USP15: variants seen among roughly 807,000 people sequenced by gnomAD.
The protein encoded by USP15 is ubiquitin carboxyl-terminal hydrolase 15.
Under a neutral mutation model 127.1 loss-of-function variants are expected in USP15, and 18 were observed. The observed-to-expected ratio is 0.14, with a 90% CI of 0.10 to 0.21. The LOEUF is 0.21. USP15 is among the 10% of genes least tolerant of loss of function. The probability of loss-of-function intolerance (pLI) is 1.00; values close to 1 mark genes in which losing one functional copy is unlikely to be tolerated. For missense variants in USP15, 805 were observed against 1,159.9 expected (o/e 0.69, Z 4.44); for synonymous variants, 364 against 393.7 (o/e 0.92, Z 0.89).
intron 3 of USP15, among the ~76,000 whole-genome samples, chr12:62,310,852 A>G (rs1466073573): frequency 2.6e-5 from 4 of 152,050 alleles, no homozygotes; most frequent in South Asian, 2.1e-4. Flanking sequence ...TCAACAGTGT[A>G]TAAGTGTTCC....
At chr12:62,288,209 C>T (rs1021458420) in intron 1 of USP15, among the ~76,000 whole-genome samples, 6 of 152,082 alleles carry the variant, frequency 3.9e-5, no homozygotes, top group East Asian at 1.9e-4. Flanking sequence ...TTAACATTAT[C>T]GATTCTTCTG....
At chr12:62,398,534 CTTTATGAT>C (rs1164209606) in intron 20 of USP15, among the ~76,000 whole-genome samples, 1 of 152,076 alleles carries the variant, frequency 6.6e-6, no homozygotes, top group Non-Finnish European at 1.5e-5. Flanking sequence ...TTTTAATTTC[CTTTATGAT>C]TTCCTAATTA....
At chr12:62,302,978 A>G in intron 3 of USP15, 58 bp downstream of exon 3, 1 of 1,543,844 alleles carries the variant, frequency 6.5e-7, no homozygotes, top group Non-Finnish European at 8.8e-7. Context: ...TTCACATTTT[A>G]TTATTAATTC....
At chr12:62,277,163 T>A (rs1007111201) in intron 1 of USP15, among the ~76,000 whole-genome samples, 1 of 152,196 alleles carries the variant, frequency 6.6e-6, no homozygotes, top group Non-Finnish European at 1.5e-5. Context: ...TTGCACCACT[T>A]GATAATAACT....
In USP15 at chr12:62,260,451, C is replaced by T; in HGVS notation, c.37C>T (p.Arg13Trp). 6.4e-7 allele frequency: 1 copy of T among 1,552,130 alleles called. No homozygotes were observed. The highest frequency in any genetic ancestry group is 8.7e-7 in the Non-Finnish European group (1 of 1,147,818). ...EGGAADLDTQ[R>W]SDIATLLKTS... is the part of the protein sequence containing the mutation. The stretch of plus-strand genomic sequence containing the variant: ...CGGAGCGGCGGATCTGGACACCCAG[C>T]GGTCTGACATCGCGACGCTGCTCAA... The change falls in exon 1 of 22, where the codon CGG becomes TGG. Residue 13 changes from arginine to tryptophan, a missense_variant. Around this residue, in one of 11 missense-constraint regions of USP15, gnomAD observed 45 missense variants for 37.8 expected, o/e 1.19. Coordinates refer to ENST00000280377, the MANE Select transcript of USP15 (RefSeq NM_001252078.2).
intron 4 of USP15, among the ~76,000 whole-genome samples, chr12:62,319,089 G>A (rs760257977): frequency 3.9e-5 from 6 of 152,150 alleles, no homozygotes; most frequent in African/African-American, 9.7e-5. Context: ...TCCATAGGCC[G>A]TACAGGAAGC....
chr12:62,330,770 A>C (rs1252027456), intron 6 of USP15, among the ~76,000 whole-genome samples: 1 of 150,994 alleles, frequency 6.6e-6, no homozygotes. Context: ...AAAAAAAAAA[A>C]CAAAAATTAG....
At chr12:62,343,360 G>A (rs549874924) in intron 6 of USP15, among the ~76,000 whole-genome samples, 26 of 152,284 alleles carry the variant, frequency 1.7e-4, no homozygotes, top group African/African-American at 6.3e-4. Flanking sequence ...ATGGGAGTGG[G>A]ACCCGCTGAG....
At position 62,283,429 on chromosome 12, in the gene USP15, A is replaced by C. The variant is rs138528213; in HGVS notation, c.90-10750A>C. 4.1e-3 allele frequency among the ~76,000 whole-genome samples: 618 copies of C among 152,334 alleles called. 7 individuals carry two copies. The highest frequency in any genetic ancestry group is 0.01 in the Middle Eastern group (3 of 294). On this transcript the variant is annotated intron_variant, in intron 1 of 21. Coordinates refer to ENST00000280377, the MANE Select transcript of USP15 (RefSeq NM_001252078.2). ...AAACTTTAAATGTTGTCATAAAAAA[A>C]AAGACAAAAATGTTTGCTGTCTCTT...
In USP15 at chr12:62,296,462, A is replaced by G. The variant is rs2064130824; in HGVS notation, c.217+2156A>G. On this transcript the variant is annotated intron_variant, in intron 2 of 21. Transcript: ENST00000280377. Reference sequence around the variant, plus strand: ...AAGTTTCAGAATAAAGAACATAATCAGGGATAGAAAAGGTCACTTGATAAT... The same window carrying G: ...AAGTTTCAGAATAAAGAACATAATCGGGGATAGAAAAGGTCACTTGATAAT... Among the ~76,000 whole-genome samples the G allele has an allele frequency of 5.9e-5, 9 of 152,226 alleles. No individual in the cohort carries two copies. In the South Asian group the frequency reaches 1.7e-3, roughly 28 times the overall value.
chr12:62,388,361 G>A (rs944494550), intron 11 of USP15, among the ~76,000 whole-genome samples: 3 of 152,018 alleles, frequency 2.0e-5, no homozygotes, highest in Non-Finnish European at 2.9e-5. Flanking sequence ...TCGAACTTTC[G>A]GGCTTAAGCG....
In USP15 at chr12:62,398,733, A is replaced by G. The variant is rs528473174; in HGVS notation, c.2674+2335A>G. 3.3e-5 allele frequency among the ~76,000 whole-genome samples: 5 copies of G among 152,288 alleles called. No homozygotes were observed. In the East Asian group the frequency reaches 9.7e-4, roughly 29 times the overall value. On this transcript the variant is annotated intron_variant, in intron 20 of 21. Transcript: ENST00000280377. ...AACGTGTGTATGCTTGGAAAAAAAT[A>G]TACATTCCCCATTTAGATACAGAGT...
chr12:62,410,237 C>T lies in USP15; in HGVS notation c.*5862C>T, dbSNP rs2068005952. 2.0e-5 allele frequency: 3 copies of T among 152,112 alleles called. No homozygotes were observed. The highest frequency in any genetic ancestry group is 2.0e-4 in the Admixed American group (3 of 15,256). 9.4% of individuals were successfully genotyped at this position (152,112 alleles called of 1,614,324 possible). On this transcript the variant is annotated 3_prime_UTR_variant, in exon 22 of 22. Transcript: ENST00000280377. ...CCCCAAAAAGACCGCGACCTCCAGC[C>T]AGTCATTCAGTTCTTGAACTCCCTA...
intron 8 of USP15, among the ~76,000 whole-genome samples, chr12:62,359,677 C>A (rs2066252762): frequency 6.6e-6 from 1 of 151,990 alleles, no homozygotes; most frequent in Non-Finnish European, 1.5e-5. Flanking sequence ...TTTTATTTTT[C>A]ATATAGTGTT....
intron 8 of USP15, among the ~76,000 whole-genome samples, chr12:62,357,168 G>C (rs1285781120): frequency 6.6e-6 from 1 of 152,014 alleles, no homozygotes; most frequent in African/African-American, 2.4e-5. Flanking sequence ...AGTTTGTGTT[G>C]ATGCTAATCA....
At chr12:62,310,356 A>G (rs978697573) in intron 3 of USP15, among the ~76,000 whole-genome samples, 4 of 151,814 alleles carry the variant, frequency 2.6e-5, no homozygotes, top group African/African-American at 9.7e-5. Context: ...TGTACTTTTA[A>G]GCCAGTTCCC....
intron 8 of USP15, among the ~76,000 whole-genome samples, chr12:62,378,172 A>C (rs2066888837): frequency 6.6e-6 from 1 of 152,182 alleles, no homozygotes; most frequent in East Asian, 1.9e-4. Context: ...GTGCCACTGC[A>C]CTCCAGCCTG....
chr12:62,376,211 T>C (rs1489475740), intron 8 of USP15, among the ~76,000 whole-genome samples: 2 of 152,080 alleles, frequency 1.3e-5, no homozygotes, highest in African/African-American at 4.8e-5. Context: ...TTGAAAATAT[T>C]TAAATATAAA....
At chr12:62,332,793 T>C (rs948049912) in intron 6 of USP15, among the ~76,000 whole-genome samples, 1 of 151,950 alleles carries the variant, frequency 6.6e-6, no homozygotes, top group Admixed American at 6.6e-5. Context: ...CCTCTGCCAT[T>C]TGTGGTGTTC....
Sources: gnomAD v4.1 joint callset for allele counts (sites outside exome capture counted in the v4.1 genomes callset) on GRCh38, gnomAD v4.1.1 for gene constraint, gnomAD v4.1.1 regional missense constraint, MANE v1.5 for transcripts, NCBI Gene and HGNC (gene_info 2026-07-23, HGNC 2026-07-21) for gene names.